Variants in MRPS6 observed in about 807,000 individuals in gnomAD.
MRPS6 encodes the protein small ribosomal subunit protein bS6m.
A neutral mutation model predicts 13.1 loss-of-function variants in MRPS6; 6 were observed. The observed-to-expected ratio is 0.46, with a 90% CI of 0.25 to 0.91. The LOEUF is 0.91. Ranked by LOEUF, MRPS6 falls within the 40% of genes least tolerant of loss-of-function variation. MRPS6 has a pLI of 0.18. For missense variants in MRPS6, 164 were observed against 155.6 expected (o/e 1.05, Z -0.29); for synonymous variants, 61 against 56.5 (o/e 1.08, Z -0.36).
intron 1 of MRPS6, among the ~76,000 whole-genome samples, chr21:34,117,181 T>C (rs1462880266): frequency 6.6e-6 from 1 of 152,156 alleles, no homozygotes; most frequent in Non-Finnish European, 1.5e-5. Context: ...CTAGGCAAAA[T>C]AGTGCCATAG....
chr21:34,131,597 C>T (rs1238799674), intron 2 of MRPS6, among the ~76,000 whole-genome samples: 2 of 152,186 alleles, frequency 1.3e-5, no homozygotes, highest in Admixed American at 6.5e-5. Flanking sequence ...CCTGTGCTGT[C>T]ATGAGAAAGG....
intron 2 of MRPS6, among the ~76,000 whole-genome samples, chr21:34,130,194 T>TGA (rs1290092110): frequency 7.2e-6 from 1 of 139,344 alleles, no homozygotes; most frequent in African/African-American, 2.7e-5. Flanking sequence ...AAGGGGAGGG[T>TGA]GAGAGAGAGA....
chr21:34,101,094 A>G, intron 1 of MRPS6: 7 of 1,000,130 alleles, frequency 7.0e-6, no homozygotes, highest in Non-Finnish European at 8.4e-6. Flanking sequence ...TTACGTGACT[A>G]CAGAGACTTG....
In MRPS6 at chr21:34,085,600, C is replaced by CTT. The variant is rs56135810; in HGVS notation, c.45+11872_45+11873dup. Among the ~76,000 whole-genome samples, 431 of 130,218 alleles carry CTT rather than the reference C, an allele frequency of 3.3e-3. 3 individuals are homozygous for CTT. The highest frequency in any genetic ancestry group is 8.1e-3 in the African/African-American group (279 of 34,568). The allele number at this position is 130,218 out of a possible 152,430, so 85.4% of individuals were successfully genotyped here. On this transcript the variant is annotated intron_variant, in intron 1 of 2. Transcript: ENST00000399312. ...GTAATTAGTGTATAAGAAATAAGGA[C>CTT]TTTTTTTTTTTTTTTTTTGAGACTG...
intron 1 of MRPS6, chr21:34,095,475 C>G: frequency 6.2e-7 from 1 of 1,614,140 alleles, no homozygotes; most frequent in Non-Finnish European, 8.5e-7. Flanking sequence ...TTTACAACTT[C>G]TGGGATGGGT....
intron 1 of MRPS6, among the ~76,000 whole-genome samples, chr21:34,082,864 A>G (rs1018369222): frequency 6.6e-6 from 1 of 152,120 alleles, no homozygotes; most frequent in Non-Finnish European, 1.5e-5. Flanking sequence ...TCCCCTTGCA[A>G]TCATTTTTAC....
chr21:34,085,557 A>G lies in MRPS6; in HGVS notation c.45+11812A>G, dbSNP rs557755666. 1.5e-4 allele frequency among the ~76,000 whole-genome samples: 22 copies of G among 151,320 alleles called. No homozygotes were observed. The South Asian group carries it at 4.4e-3, about 30-fold the overall frequency. ...GGAGTACTTTAAAGCAAACTTAGAT[A>G]TATCATTTCACCTGTAAGTAATTAG... On this transcript the variant is annotated intron_variant, in intron 1 of 2. Transcript: ENST00000399312.
chr21:34,098,252 C>A, intron 1 of MRPS6: 1 of 999,698 alleles, frequency 1.0e-6, no homozygotes, highest in South Asian at 4.7e-5. Context: ...AATTTTCTAG[C>A]TTTATTCTTG....
intron 2 of MRPS6, among the ~76,000 whole-genome samples, chr21:34,141,477 A>T (rs1246294112): frequency 6.6e-6 from 1 of 152,168 alleles, no homozygotes; most frequent in Non-Finnish European, 1.5e-5. Context: ...GAACATTTCC[A>T]ACAGAAGGAC....
At chr21:34,139,548 A>G (rs931104420) in intron 2 of MRPS6, among the ~76,000 whole-genome samples, 10 of 152,120 alleles carry the variant, frequency 6.6e-5, no homozygotes, top group Non-Finnish European at 1.5e-4. Flanking sequence ...GTGTTTTTCA[A>G]GGAATTTGAT....
chr21:34,078,661 T>C (rs575626970), intron 1 of MRPS6, among the ~76,000 whole-genome samples: 6 of 152,332 alleles, frequency 3.9e-5, no homozygotes, highest in African/African-American at 1.4e-4. Context: ...AGTAATATTT[T>C]TCATCTAGTG....
intron 1 of MRPS6, among the ~76,000 whole-genome samples, chr21:34,118,541 ATTTC>A (rs754297980): frequency 2.2e-4 from 31 of 138,280 alleles, no homozygotes; most frequent in African/African-American, 6.7e-4. Context: ...GTTACTCCAC[ATTTC>A]TTTCTTTCTT....
chr21:34,096,698 T>C lies in MRPS6; in HGVS notation c.45+22953T>C. ...GTGCCCCAGAATGTGACCAACCTGA[T>C]AATAGGCCGGGCTTCATCAAAGACA... On this transcript the variant is annotated intron_variant, in intron 1 of 2. Coordinates refer to ENST00000399312, the MANE Select transcript of MRPS6 (RefSeq NM_032476.4). This position sits in a 1 kb window ranked among gnomAD's most constrained non-coding sequence, Gnocchi z 5.9. 6.2e-7 allele frequency: 1 copy of C among 1,614,108 alleles called. No individual in the cohort carries two copies. The highest frequency in any genetic ancestry group is 8.5e-7 in the Non-Finnish European group (1 of 1,180,004).
chr21:34,116,178 T>TTGTGTG (rs57694757), intron 1 of MRPS6, among the ~76,000 whole-genome samples: 23,977 of 141,148 alleles, frequency 0.17, 2,437 homozygotes, highest in Non-Finnish European at 0.24. Flanking sequence ...CCAGCTAATT[T>TTGTGTG]TGTGTGTGTG....
chr21:34,114,981 C>T (rs1979845254), intron 1 of MRPS6, among the ~76,000 whole-genome samples: 1 of 152,100 alleles, frequency 6.6e-6, no homozygotes, highest in Non-Finnish European at 1.5e-5. Context: ...TGCAGGGGCC[C>T]CTTGGATGGG....
At chr21:34,126,330 C>T (rs1270538519) in intron 2 of MRPS6, among the ~76,000 whole-genome samples, 1 of 152,146 alleles carries the variant, frequency 6.6e-6, no homozygotes, top group African/African-American at 2.4e-5. Flanking sequence ...TTATGTGAGT[C>T]GAGCTGTCTT....
At chr21:34,138,268 C>CG (rs1980776471) in intron 2 of MRPS6, among the ~76,000 whole-genome samples, 1 of 151,394 alleles carries the variant, frequency 6.6e-6, no homozygotes, top group Non-Finnish European at 1.5e-5. Flanking sequence ...TAATTAGATC[C>CG]CATTGGTCAA....
At position 34,131,581 on chromosome 21, in the gene MRPS6, T is replaced by C. The variant is rs182735911; in HGVS notation, c.185+6101T>C. On this transcript the variant is annotated intron_variant, in intron 2 of 2. Transcript: ENST00000399312. ...CTAACTCCCATTTTTGTAGGTCTCTTGTGGACCTGTGCTGTCATGAGAAAG... is the reference window on the plus strand; with the variant it reads ...CTAACTCCCATTTTTGTAGGTCTCTCGTGGACCTGTGCTGTCATGAGAAAG... Among the ~76,000 whole-genome samples, 121 of 152,276 alleles carry C rather than the reference T, an allele frequency of 7.9e-4. 3 individuals carry two copies. Among genetic ancestry groups the C allele is most frequent in the Admixed American group, 5.6e-3 (86 of 15,288 alleles).
At chr21:34,107,542 A>T (rs149335616) in intron 1 of MRPS6, among the ~76,000 whole-genome samples, 2 of 152,180 alleles carry the variant, frequency 1.3e-5, no homozygotes, top group African/African-American at 4.8e-5. Context: ...CCTATTTCTC[A>T]TCAAACTTGA....
Sources: allele counts gnomAD v4.1 joint callset (sites outside exome capture counted in the v4.1 genomes callset), GRCh38; gene constraint gnomAD v4.1.1; non-coding constraint Gnocchi (gnomAD v3.1); transcripts MANE v1.5; gene names NCBI Gene and HGNC (gene_info 2026-07-23, HGNC 2026-07-21).